Variants in RPRD2 observed in about 807,000 individuals in gnomAD.
RPRD2 encodes regulation of nuclear pre-mRNA domain containing 2, also known as regulation of nuclear pre-mRNA domain-containing protein 2.
A neutral mutation model predicts 104.4 loss-of-function variants in RPRD2; 12 were observed. The observed-to-expected ratio is 0.11, with a 90% CI of 0.07 to 0.19. The LOEUF (loss-of-function observed/expected upper bound fraction) is 0.19, where lower values mean the gene tolerates loss of function less well. RPRD2 is among the 10% of genes least tolerant of loss of function. RPRD2 has a pLI of 1.00. For missense variants in RPRD2, 1,543 were observed against 1,790.1 expected, an observed-to-expected ratio of 0.86 and a Z score of 2.49; for synonymous variants, 714 against 684.9, an observed-to-expected ratio of 1.04 and a Z score of -0.66.
chr1:150,387,566 CCTTTTTTTTTTTTTTTT>C (rs1661666905), intron 1 of RPRD2, among the ~76,000 whole-genome samples: 6 of 70,132 alleles, frequency 8.6e-5, no homozygotes, highest in South Asian at 5.8e-4. Context: ...TTGCAACAGA[CCTTTTTTTTTTTTTTTT>C]TTTTTTTTTT....
Position 150,364,723 on chromosome 1 carries a change from C to T in RPRD2, c.9C>T (p.Ala3=). 6.4e-7 allele frequency: 1 copy of T among 1,564,780 alleles called. No individual in the cohort carries two copies. The highest frequency in any genetic ancestry group is 8.7e-7 in the Non-Finnish European group (1 of 1,153,632). Residue 3 remains alanine (A), a synonymous_variant, in exon 1 of 11, where the codon GCC becomes GCT. Transcript: ENST00000369068. Reference sequence around the variant, plus strand: ...TTGTGCAAACCGGGAAGATGGCGGCCGGCGGCGGCGGAGGCAGCAGTAAGG... The same window carrying T: ...TTGTGCAAACCGGGAAGATGGCGGCTGGCGGCGGCGGAGGCAGCAGTAAGG... MA[A]GGGGGSSKAS...
chr1:150,435,032 T>G lies in RPRD2; in HGVS notation c.336-5891T>G, dbSNP rs192449328. 1.1e-4 allele frequency among the ~76,000 whole-genome samples: 17 copies of G among 152,326 alleles called. No homozygotes were observed. In the East Asian group the frequency reaches 2.5e-3, roughly 22 times the overall value. On this transcript the variant is annotated intron_variant, in intron 2 of 10. Transcript: ENST00000369068. The stretch of plus-strand genomic sequence containing the variant: ...CTATTGGTGCTATTTTTCCAACATA[T>G]GCTCATTCATGTCTCTGTGTCACAT...
intron 1 of RPRD2, among the ~76,000 whole-genome samples, chr1:150,379,564 G>A (rs587724781): frequency 4.0e-5 from 6 of 151,882 alleles, no homozygotes; most frequent in African/African-American, 9.7e-5. Context: ...CACCATGCCC[G>A]GCTAATTTTG....
chr1:150,369,966 G>C (rs1228702148), intron 1 of RPRD2, among the ~76,000 whole-genome samples: 1 of 151,468 alleles, frequency 6.6e-6, no homozygotes, highest in Non-Finnish European at 1.5e-5. Context: ...TTTTTTAGTA[G>C]AGATGGGGTT....
rs1454151536 is a variant in RPRD2, at chr1:150,476,506, C to T, written c.*3172C>T. 6.6e-6 allele frequency: 1 copy of T among 152,160 alleles called. No individual in the cohort carries two copies. The highest frequency in any genetic ancestry group is 1.5e-5 in the Non-Finnish European group (1 of 68,022). The allele number at this position is 152,160 out of a possible 1,614,324, so 9.4% of individuals were successfully genotyped here. A position where few individuals can be genotyped will look rare whatever the true frequency, so the allele number is the denominator to read the frequency against. ...AAACAAGTACATGCTTTAGAAGCAA[C>T]AACAATGAAATCCTTTTGAAATGTG... is the stretch of plus-strand genomic sequence containing the variant. On this transcript the variant is annotated 3_prime_UTR_variant, in exon 11 of 11. Transcript: ENST00000369068.
At position 150,376,625 on chromosome 1, in the gene RPRD2, T is replaced by C. The variant is rs1056829919; in HGVS notation, c.205+11706T>C. 4.6e-4 allele frequency among the ~76,000 whole-genome samples: 69 copies of C among 151,590 alleles called. 1 individual carries two copies. Among genetic ancestry groups the C allele is most frequent in the South Asian group, 3.1e-3 (15 of 4,772 alleles). On this transcript the variant is annotated intron_variant, in intron 1 of 10. Transcript: ENST00000369068. The stretch of plus-strand genomic sequence containing the variant: ...ACGCCATTCTCTCGCCTCAGCCTCC[T>C]GAGTAGCTGGGACTACAGGCGCCCG...
rs1560230311 is a variant in RPRD2, at chr1:150,471,086, C to G, written c.2138C>G (p.Thr713Ser). Residue 713 changes from threonine to serine, a missense_variant, in exon 11 of 11, where the codon ACT (threonine) becomes AGT (serine). By Grantham distance (58) the Thr-to-Ser change is moderately conservative (BLOSUM62 1). Coordinates refer to ENST00000369068, the MANE Select transcript of RPRD2 (RefSeq NM_015203.5). This position sits in a 1 kb window ranked among gnomAD's most constrained non-coding sequence, Gnocchi z 5.3. ...SHPSDFQRGP[T>S]STSIDNIDGT... ...CCCTCAGACTTCCAGCGTGGCCCTA[C>G]TAGCACCTCAATCGACAACATTGAT... 6.2e-7 allele frequency: 1 copy of G among 1,614,034 alleles called. No individual in the cohort carries two copies. Among genetic ancestry groups the G allele is most frequent in the Admixed American group, 1.7e-5 (1 of 60,020 alleles).
At chr1:150,443,122 A>G in intron 4 of RPRD2, 109 bp from the exon 5 acceptor site, 1 of 667,414 alleles carries the variant, frequency 1.5e-6, no homozygotes, top group Non-Finnish European at 2.6e-6. Context: ...TTAAATGTGC[A>G]TGTTTGCCAT....
chr1:150,373,459 T>C (rs1276263791), intron 1 of RPRD2, among the ~76,000 whole-genome samples: 1 of 151,800 alleles, frequency 6.6e-6, no homozygotes, highest in Non-Finnish European at 1.5e-5. Context: ...TAGATCTATT[T>C]TGAAAGTAGG....
At chr1:150,411,259 T>C (rs908221102) in intron 1 of RPRD2, among the ~76,000 whole-genome samples, 1 of 150,730 alleles carries the variant, frequency 6.6e-6, no homozygotes, top group East Asian at 1.9e-4. Flanking sequence ...TCAGGAGTTT[T>C]AGACCAGCCT....
At chr1:150,387,736 C>T (rs968312783) in intron 1 of RPRD2, among the ~76,000 whole-genome samples, 1 of 149,596 alleles carries the variant, frequency 6.7e-6, no homozygotes, top group African/African-American at 2.5e-5. Flanking sequence ...GGATTGCAGG[C>T]AGGCACCATG....
chr1:150,471,226 G>A lies in RPRD2; in HGVS notation c.2278G>A (p.Gly760Ser), dbSNP rs1315834157. Residue 760 changes from glycine to serine, a missense_variant, in exon 11 of 11, where the codon GGT becomes AGT. By Grantham distance (56) the Gly-to-Ser change is moderately conservative. Transcript: ENST00000369068. The surrounding 1 kb of genome is among the most constrained non-coding windows in gnomAD (Gnocchi z 5.3). ...MSLLSKIISP[G>S]SSTPSSTRSP... ...CCTGCTTTCTAAGATCATTAGCCCT[G>A]GTTCCTCAACACCCAGCAGTACAAG... The A allele has an allele frequency of 6.2e-7, 1 of 1,613,668 alleles. No homozygotes were observed. Among genetic ancestry groups the A allele is most frequent in the Admixed American group, 1.7e-5 (1 of 60,002 alleles).
At chr1:150,403,663 TTGTG>T (rs1663243394) in intron 1 of RPRD2, among the ~76,000 whole-genome samples, 1 of 151,848 alleles carries the variant, frequency 6.6e-6, no homozygotes, top group Non-Finnish European at 1.5e-5. Flanking sequence ...ATATTTTTTT[TTGTG>T]TGTGACAGAG....
In RPRD2 at chr1:150,460,044, T is replaced by C. The variant is rs1553898439; in HGVS notation, c.1154-16T>C. 1.2e-6 allele frequency: 2 copies of C among 1,611,574 alleles called. No homozygotes were observed. Among genetic ancestry groups the C allele is most frequent in the South Asian group, 1.1e-5 (1 of 91,032 alleles). On this transcript the variant is annotated splice_polypyrimidine_tract_variant and intron_variant, in intron 8 of 10. Transcript: ENST00000369068. ...AAAGTAGTAGGATGTAATATCTCTT[T>C]TCTTTGTTGAAACAGTCGAGGACAG...
chr1:150,454,614 G>A (rs1667397427), intron 7 of RPRD2, among the ~76,000 whole-genome samples: 1 of 152,110 alleles, frequency 6.6e-6, no homozygotes, highest in Non-Finnish European at 1.5e-5. Flanking sequence ...TTGGGAGGCT[G>A]GGGCAGGCGG....
intron 1 of RPRD2, among the ~76,000 whole-genome samples, chr1:150,388,368 G>GTATATACGTA (rs1197163000): frequency 0.16 from 18,529 of 117,688 alleles, 1,572 homozygotes; most frequent in Non-Finnish European, 0.22. Flanking sequence ...ATATATACAT[G>GTATATACGTA]TATACACATA....
In RPRD2 at chr1:150,457,555, G is replaced by A. The variant is rs2102405285; in HGVS notation, c.1138G>A (p.Gly380Arg). The change falls in exon 8 of 11, where the codon GGG (glycine) becomes AGG (arginine). Residue 380 changes from glycine to arginine, a missense_variant. By Grantham distance (125) the Gly-to-Arg change is moderately radical. Transcript: ENST00000369068. ...GGAACTCTCAGATGTGGAAGATGAT[G>A]GGTCAAAAATCATTGGTATGTCTTT... ...DMELSDVEDDGSKIIVEDRKE... is the reference protein window; with the variant it reads ...DMELSDVEDDRSKIIVEDRKE... 6.2e-7 allele frequency: 1 copy of A among 1,613,616 alleles called. No homozygotes were observed. The highest frequency in any genetic ancestry group is 2.2e-5 in the East Asian group (1 of 44,886).
chr1:150,401,045 G>T (rs782334698), intron 1 of RPRD2, among the ~76,000 whole-genome samples: 2 of 151,960 alleles, frequency 1.3e-5, no homozygotes, highest in East Asian at 3.9e-4. Flanking sequence ...GTGTGGTGGC[G>T]GGCACCTGTA....
rs1194832419 is a variant in RPRD2, at chr1:150,364,390, C to T, written c.-325C>T. ...TAAAACGATTAGTTTCGGCGTCAGGCGTTTTGAAAGGCTTTGCAGGTCCTG... is the reference window on the plus strand; with the variant it reads ...TAAAACGATTAGTTTCGGCGTCAGGTGTTTTGAAAGGCTTTGCAGGTCCTG... On this transcript the variant is annotated 5_prime_UTR_variant, in exon 1 of 11. Coordinates refer to ENST00000369068, the MANE Select transcript of RPRD2 (RefSeq NM_015203.5). 2.6e-5 allele frequency among the ~76,000 whole-genome samples: 4 copies of T among 152,074 alleles called. No individual in the cohort carries two copies. Among genetic ancestry groups the T allele is most frequent in the African/African-American group, 9.7e-5 (4 of 41,400 alleles).
Sources: allele counts gnomAD v4.1 joint callset (sites outside exome capture counted in the v4.1 genomes callset), GRCh38; gene constraint gnomAD v4.1.1; non-coding constraint Gnocchi (gnomAD v3.1); transcripts MANE v1.5; gene names NCBI Gene and HGNC (gene_info 2026-07-23, HGNC 2026-07-21).